The following CFAP47 variants were observed in gnomAD, a reference collection of about 807,000 sequenced individuals.
CFAP47 encodes the protein cilia and flagella associated protein 47, also known as cilia- and flagella-associated protein 47.
In CFAP47, 29 loss-of-function variants were observed where a neutral mutation model predicts 148.1. That is an observed-to-expected ratio of 0.20 (90% confidence interval 0.15 to 0.27). The LOEUF is 0.27. Among genes scored for constraint, CFAP47 ranks in the 10% least tolerant of loss-of-function variants. CFAP47 has a pLI of 1.00. For synonymous variants in CFAP47, 664 were observed against 577.3 expected, an observed-to-expected ratio of 1.15 and a Z score of -2.15; for missense variants, 1,872 against 1,697.5, an observed-to-expected ratio of 1.10 and a Z score of -1.81.
In CFAP47 at chrX:36,202,877, C is replaced by CA. The variant is rs1207535043; in HGVS notation, c.6663+1391dup. On this transcript the variant is annotated intron_variant, in intron 44 of 63. Transcript: ENST00000378653. ...TGGCAACAAGAGTGAAACTCCGTCT[C>CA]AAAAAAAAAAAAAAGAGAAAGAAAA... Among the ~76,000 whole-genome samples, 197 of 54,657 alleles carry CA rather than the reference C, an allele frequency of 3.6e-3. 1 individual carries two copies. Among genetic ancestry groups the CA allele is most frequent in the Middle Eastern group, 0.018 (1 of 56 alleles). 47.5% of individuals were successfully genotyped at this position (54,657 alleles called of 115,157 possible).
At chrX:36,242,380 G>A (rs1012021400) in intron 48 of CFAP47, among the ~76,000 whole-genome samples, 19 of 111,951 alleles carry the variant, frequency 1.7e-4, no homozygotes, top group Non-Finnish European at 5.6e-5. Flanking sequence ...GAAACTTGAC[G>A]ACATTCAGGA....
At chrX:36,003,667 C>T (rs538182009) in intron 21 of CFAP47, among the ~76,000 whole-genome samples, 13 of 110,649 alleles carry the variant, frequency 1.2e-4, no homozygotes, top group African/African-American at 3.0e-4. Context: ...CAGCCAACAT[C>T]ATACTGAATG....
intron 42 of CFAP47, among the ~76,000 whole-genome samples, chrX:36,197,718 A>G (rs2146880234): frequency 8.9e-6 from 1 of 112,157 alleles, no homozygotes; most frequent in East Asian, 2.8e-4. Context: ...TGTATTATGT[A>G]GTATTTATTG....
chrX:36,347,739 A>G (rs1043861574), intron 57 of CFAP47, among the ~76,000 whole-genome samples: 8 of 109,822 alleles, frequency 7.3e-5, no homozygotes, highest in Admixed American at 2.0e-4. Flanking sequence ...ATGAGAACAC[A>G]TGGACACAGG....
intron 41 of CFAP47, among the ~76,000 whole-genome samples, chrX:36,189,125 T>C (rs911732657): frequency 9.0e-6 from 1 of 111,562 alleles, no homozygotes; most frequent in Non-Finnish European, 1.9e-5. Context: ...GACATAGGAA[T>C]GTTCTGGTTA....
intron 46 of CFAP47, among the ~76,000 whole-genome samples, chrX:36,230,593 G>A (rs1448313764): frequency 2.8e-5 from 3 of 107,666 alleles, no homozygotes; most frequent in Non-Finnish European, 5.7e-5. Flanking sequence ...TTCTTTTGCT[G>A]TGCAGAAGCT....
At chrX:36,270,454 T>C (rs1940945024) in intron 49 of CFAP47, among the ~76,000 whole-genome samples, 2 of 109,276 alleles carry the variant, frequency 1.8e-5, no homozygotes, top group South Asian at 7.6e-4. Context: ...TTGTCATCTA[T>C]GTATCTTGTT....
chrX:36,242,219 A>G (rs782817639), intron 48 of CFAP47, among the ~76,000 whole-genome samples: 8 of 112,409 alleles, frequency 7.1e-5, no homozygotes, highest in African/African-American at 2.6e-4. Context: ...ACCCTCCCAG[A>G]TAAGAAAGAA....
At chrX:35,924,017 A>G (rs185289902) in intron 1 of CFAP47, among the ~76,000 whole-genome samples, 1 of 80,705 alleles carries the variant, frequency 1.2e-5, no homozygotes, top group African/African-American at 5.3e-5. Flanking sequence ...GTAAATATAT[A>G]TGCACATATA....
intron 60 of CFAP47, among the ~76,000 whole-genome samples, chrX:36,359,990 T>C (rs943167298): frequency 4.5e-5 from 5 of 111,215 alleles, no homozygotes; most frequent in African/African-American, 1.6e-4. Flanking sequence ...CCTGACCTTG[T>C]GATCCACCCA....
intron 47 of CFAP47, 128 bp downstream of exon 47, chrX:36,236,205 T>A (rs1555994605): frequency 3.1e-6 from 1 of 325,916 alleles, no homozygotes; most frequent in African/African-American, 2.7e-5. Context: ...TTTCCATGAA[T>A]TTGACTATTT....
chrX:35,952,017 A>G, intron 6 of CFAP47, 54 bp downstream of exon 6: 1 of 1,089,477 alleles, frequency 9.2e-7, no homozygotes, highest in Non-Finnish European at 1.2e-6. Context: ...AAGTATATTA[A>G]CCACACTTTA....
intron 61 of CFAP47, among the ~76,000 whole-genome samples, chrX:36,362,923 T>A (rs2146991752): frequency 8.9e-6 from 1 of 111,986 alleles, no homozygotes; most frequent in South Asian, 3.7e-4. Flanking sequence ...TTTGTTAATT[T>A]TTTTCACATT....
Position 35,971,186 on chromosome X carries a change from G to A in CFAP47, c.1970+263G>A, listed in dbSNP as rs144193474. Among the ~76,000 whole-genome samples, 645 of 111,985 alleles carry A rather than the reference G, an allele frequency of 5.8e-3. 7 individuals are homozygous for A. Among genetic ancestry groups the A allele is most frequent in the African/African-American group, 0.02 (616 of 30,815 alleles). On this transcript the variant is annotated intron_variant, in intron 11 of 63. Transcript: ENST00000378653. ...TATGATTTATGGAGTGTGTGCTCTCGGGAGAAACCTGTACAGAATGAGGGA... is the reference window on the plus strand; with the variant it reads ...TATGATTTATGGAGTGTGTGCTCTCAGGAGAAACCTGTACAGAATGAGGGA...
At chrX:36,251,748 A>T (rs1203131848) in intron 49 of CFAP47, among the ~76,000 whole-genome samples, 1 of 111,695 alleles carries the variant, frequency 9.0e-6, no homozygotes, top group African/African-American at 3.2e-5. Context: ...TCAAATACTT[A>T]TACCCGCGTA....
chrX:36,094,995 A>C (rs986069729), intron 30 of CFAP47, among the ~76,000 whole-genome samples: 2 of 111,255 alleles, frequency 1.8e-5, no homozygotes, highest in Non-Finnish European at 3.8e-5. Context: ...ATTCAGTATG[A>C]TACTAGCTGT....
At chrX:35,952,774 G>A (rs1298034189) in intron 6 of CFAP47, among the ~76,000 whole-genome samples, 4 of 111,785 alleles carry the variant, frequency 3.6e-5, no homozygotes, top group African/African-American at 1.3e-4. Flanking sequence ...GAATCTGTAA[G>A]ATTCTGTTTA....
At chrX:36,217,970 A>C (rs1245653448) in intron 45 of CFAP47, among the ~76,000 whole-genome samples, 2 of 111,903 alleles carry the variant, frequency 1.8e-5, no homozygotes, top group African/African-American at 6.5e-5. Flanking sequence ...CATGCTCTAC[A>C]ATTATATATT....
At chrX:36,296,262 C>T (rs1264497216) in intron 51 of CFAP47, among the ~76,000 whole-genome samples, 1 of 111,925 alleles carries the variant, frequency 8.9e-6, no homozygotes, top group Non-Finnish European at 1.9e-5. Flanking sequence ...AGAGCATGGT[C>T]TTGTTAGATA....
Sources: gnomAD v4.1 joint callset for allele counts (sites outside exome capture counted in the v4.1 genomes callset) on GRCh38, gnomAD v4.1.1 for gene constraint, MANE v1.5 for transcripts, NCBI Gene and HGNC (gene_info 2026-07-23, HGNC 2026-07-21) for gene names.